The following GPC6 variants were observed in gnomAD, a reference collection of about 807,000 sequenced individuals.
The protein encoded by GPC6 is glypican 6, also known as glypican-6.
In GPC6, 14 loss-of-function variants were observed where a neutral mutation model predicts 55.2. That is an observed-to-expected ratio of 0.25 (90% CI 0.17 to 0.40). The LOEUF (loss-of-function observed/expected upper bound fraction) is 0.40. GPC6 is among the 10% of genes least tolerant of loss of function. The pLI is 1.00. For missense variants in GPC6, 641 were observed against 708.5 expected (o/e 0.90, Z 1.08); for synonymous variants, 278 against 259.6 (o/e 1.07, Z -0.68).
intron 3 of GPC6, among the ~76,000 whole-genome samples, chr13:93,890,715 A>ATT (rs757639517): frequency 0.035 from 4,423 of 126,072 alleles, 181 homozygotes; most frequent in East Asian, 0.14. Context: ...AATTTTACTT[A>ATT]ATTTTTTTTT....
At chr13:93,781,100 AC>A (rs1180829225) in intron 2 of GPC6, among the ~76,000 whole-genome samples, 4 of 151,026 alleles carry the variant, frequency 2.6e-5, no homozygotes, top group Non-Finnish European at 5.9e-5. Flanking sequence ...ACATGGTGAA[AC>A]CCCGCCTCTA....
At chr13:94,155,791 T>G (rs1451718264) in intron 4 of GPC6, among the ~76,000 whole-genome samples, 1 of 152,162 alleles carries the variant, frequency 6.6e-6, no homozygotes, top group Non-Finnish European at 1.5e-5. Context: ...TCGCCACCTG[T>G]CCTCTGCCTC....
chr13:93,810,641 A>G (rs1886668151), intron 2 of GPC6, among the ~76,000 whole-genome samples: 1 of 152,194 alleles, frequency 6.6e-6, no homozygotes, highest in Admixed American at 6.5e-5. Context: ...AAGAATTCTG[A>G]TAGATCTGAT....
At chr13:93,223,261 GTC>G (rs1283385480), upstream of GPC6, among the ~76,000 whole-genome samples, 3 of 152,042 alleles carry the variant, frequency 2.0e-5, no homozygotes, top group African/African-American at 7.2e-5. Flanking sequence ...TCAAGACTGT[GTC>G]TATTTTTCTC....
At chr13:93,910,158 G>A (rs1461610269) in intron 3 of GPC6, among the ~76,000 whole-genome samples, 9 of 152,036 alleles carry the variant, frequency 5.9e-5, no homozygotes, top group African/African-American at 1.7e-4. Flanking sequence ...CAATTCCTAC[G>A]TGTCATGCAT....
chr13:94,082,586 C>G (rs186783417), intron 4 of GPC6, among the ~76,000 whole-genome samples: 1 of 152,274 alleles, frequency 6.6e-6, no homozygotes, highest in African/African-American at 2.4e-5. Flanking sequence ...GACATAACTT[C>G]ACCACCCACC....
intron 2 of GPC6, among the ~76,000 whole-genome samples, chr13:93,585,665 C>T (rs1445314189): frequency 6.6e-6 from 1 of 152,152 alleles, no homozygotes; most frequent in Non-Finnish European, 1.5e-5. Context: ...ATATGTGCAT[C>T]CATTACCTTA....
chr13:94,378,618 C>G (rs534710399), intron 6 of GPC6, among the ~76,000 whole-genome samples: 33 of 152,280 alleles, frequency 2.2e-4, no homozygotes, highest in Non-Finnish European at 7.4e-5. Flanking sequence ...AAATCAGAAT[C>G]AGCTCCAGAT....
At chr13:94,082,446 T>A (rs955846599) in intron 4 of GPC6, among the ~76,000 whole-genome samples, 6 of 152,178 alleles carry the variant, frequency 3.9e-5, no homozygotes, top group Non-Finnish European at 8.8e-5. Context: ...GCCAGTTTCC[T>A]CGCTATCCCT....
intron 2 of GPC6, among the ~76,000 whole-genome samples, chr13:93,748,828 A>G (rs544409387): frequency 3.0e-4 from 46 of 152,054 alleles, no homozygotes; most frequent in Admixed American, 1.0e-3. Context: ...AAAACGAACA[A>G]TACCTCAGTT....
intron 1 of GPC6, 137 bp from the exon 2 acceptor site, chr13:93,545,126 T>A (rs1874711245): frequency 4.0e-6 from 3 of 743,928 alleles, no homozygotes; most frequent in Non-Finnish European, 7.2e-6. Flanking sequence ...GTGGCCCAGA[T>A]AGAGTTCATG....
At chr13:94,252,958 G>T (rs202126696) in intron 4 of GPC6, among the ~76,000 whole-genome samples, 2 of 139,044 alleles carry the variant, frequency 1.4e-5, no homozygotes, top group Non-Finnish European at 3.2e-5. Flanking sequence ...GAATAAAAAA[G>T]AAAAAAAAAA....
intron 4 of GPC6, among the ~76,000 whole-genome samples, chr13:94,206,596 G>A (rs947178426): frequency 1.3e-5 from 2 of 152,164 alleles, no homozygotes; most frequent in South Asian, 2.1e-4. Flanking sequence ...GCTCACACCT[G>A]TAATCCTAGT....
intron 1 of GPC6, among the ~76,000 whole-genome samples, chr13:93,502,875 A>G (rs1279179881): frequency 6.6e-6 from 1 of 152,148 alleles, no homozygotes; most frequent in Non-Finnish European, 1.5e-5. Flanking sequence ...ACATTATTAT[A>G]TAATATTTCT....
At chr13:93,545,865 CT>C (rs1874762507) in intron 2 of GPC6, among the ~76,000 whole-genome samples, 1 of 152,206 alleles carries the variant, frequency 6.6e-6, no homozygotes, top group Non-Finnish European at 1.5e-5. Flanking sequence ...TTATTTTAGA[CT>C]TTGCCATTGC....
intron 1 of GPC6, among the ~76,000 whole-genome samples, chr13:93,497,362 CATAAA>C (rs1880343911): frequency 1.3e-5 from 2 of 152,078 alleles, no homozygotes; most frequent in South Asian, 4.1e-4. Flanking sequence ...AGGGGCAGGT[CATAAA>C]ATAAAGGATT....
chr13:93,280,111 G>A (rs1352410021), intron 1 of GPC6, among the ~76,000 whole-genome samples: 2 of 152,162 alleles, frequency 1.3e-5, no homozygotes, highest in Non-Finnish European at 2.9e-5. Flanking sequence ...TTTTCACCCT[G>A]TGTGACATGA....
At chr13:93,341,492 T>G (rs1880253206) in intron 1 of GPC6, among the ~76,000 whole-genome samples, 1 of 152,208 alleles carries the variant, frequency 6.6e-6, no homozygotes, top group Non-Finnish European at 1.5e-5. Flanking sequence ...ATATCCCTGA[T>G]GATTAGTGAT....
At chr13:93,461,255 A>G (rs1405760663) in intron 1 of GPC6, among the ~76,000 whole-genome samples, 1 of 152,190 alleles carries the variant, frequency 6.6e-6, no homozygotes, top group Admixed American at 6.5e-5. Context: ...AAAAATTTCA[A>G]GTAAGACCTG....
Sources: allele counts gnomAD v4.1 joint callset (sites outside exome capture counted in the v4.1 genomes callset), GRCh38; gene constraint gnomAD v4.1.1; transcripts MANE v1.5; gene names NCBI Gene and HGNC (gene_info 2026-07-23, HGNC 2026-07-21).